Variants in GRB10 observed in about 807,000 individuals in gnomAD.
The protein encoded by GRB10 is growth factor receptor bound protein 10, also known as growth factor receptor-bound protein 10.
A neutral mutation model predicts 80.9 loss-of-function variants in GRB10; 20 were observed. That is an observed-to-expected ratio of 0.25 (90% CI 0.17 to 0.36). The LOEUF (loss-of-function observed/expected upper bound fraction) is 0.36. GRB10 is among the 10% of genes least tolerant of loss of function. The pLI is 1.00. For synonymous variants in GRB10, 291 were observed against 291.5 expected (o/e 1.00, Z 0.02); for missense variants, 548 against 747.7 (o/e 0.73, Z 3.12).
chr7:50,669,592 G>T, intron 7 of GRB10, 130 bp downstream of exon 7: 1 of 889,754 alleles, frequency 1.1e-6, no homozygotes, highest in Non-Finnish European at 1.8e-6. Flanking sequence ...GTGACAACAA[G>T]AAAAGAACTG....
At chr7:50,724,900 T>C (rs1056483451) in intron 4 of GRB10, among the ~76,000 whole-genome samples, 1 of 152,148 alleles carries the variant, frequency 6.6e-6, no homozygotes, top group African/African-American at 2.4e-5. Context: ...AATCAAGTAA[T>C]ATGACTCTGT....
At position 50,604,302 on chromosome 7, in the gene GRB10, C is replaced by T; in HGVS notation, c.1456+9G>A. The T allele has an allele frequency of 6.2e-7, 1 of 1,605,916 alleles. No homozygotes were observed. The highest frequency in any genetic ancestry group is 8.5e-7 in the Non-Finnish European group (1 of 1,172,642). On this transcript the variant is annotated intron_variant, in intron 16 of 18. Transcript: ENST00000401949. The stretch of plus-strand genomic sequence containing the variant: ...TGTACAAAAACATCAGGCAATGTGC[C>T]CTGTTTACCTGTACTTAGGGTAGAA...
chr7:50,682,088 C>A (rs768890214), intron 5 of GRB10, among the ~76,000 whole-genome samples: 1 of 152,218 alleles, frequency 6.6e-6, no homozygotes, highest in Non-Finnish European at 1.5e-5. Flanking sequence ...TCTGTTGCCC[C>A]CCAGCACTGG....
intron 5 of GRB10, among the ~76,000 whole-genome samples, chr7:50,685,786 T>C (rs1456098939): frequency 6.6e-6 from 1 of 152,066 alleles, no homozygotes; most frequent in Non-Finnish European, 1.5e-5. Context: ...ATGAGAAAAG[T>C]CATTCTAGGA....
At chr7:50,672,047 C>T (rs535755754) in intron 6 of GRB10, among the ~76,000 whole-genome samples, 2 of 152,346 alleles carry the variant, frequency 1.3e-5, no homozygotes, top group South Asian at 4.1e-4. Flanking sequence ...ATGCGTGGCC[C>T]TTGCACTCTC....
chr7:50,769,361 C>G (rs963345747), intron 2 of GRB10, among the ~76,000 whole-genome samples: 1 of 152,138 alleles, frequency 6.6e-6, no homozygotes, highest in African/African-American at 2.4e-5. Flanking sequence ...CACAGGAGGT[C>G]GGGCTTCCCA....
intron 4 of GRB10, among the ~76,000 whole-genome samples, chr7:50,730,852 C>G (rs1355045885): frequency 1.3e-5 from 2 of 152,194 alleles, no homozygotes; most frequent in African/African-American, 2.4e-5. Flanking sequence ...CTATACCCAG[C>G]CGAGGACAGC....
At chr7:50,713,081 G>A (rs180840336) in intron 4 of GRB10, among the ~76,000 whole-genome samples, 41 of 152,272 alleles carry the variant, frequency 2.7e-4, no homozygotes, top group Non-Finnish European at 3.8e-4. Context: ...CATTTTGGCC[G>A]AAAGGGGGAC....
chr7:50,633,655 C>A (rs2529391), intron 7 of GRB10, among the ~76,000 whole-genome samples: 66,294 of 151,580 alleles, frequency 0.44, 14,616 homozygotes, highest in African/African-American at 0.49. Context: ...CACAAAAAAA[C>A]CAGAAGAGTA....
chr7:50,662,294 CA>C (rs975332591), intron 7 of GRB10, among the ~76,000 whole-genome samples: 10 of 152,188 alleles, frequency 6.6e-5, no homozygotes, highest in Admixed American at 2.0e-4. Flanking sequence ...GGTCATGACC[CA>C]GGATGTGCGA....
At chr7:50,621,057 G>A (rs561058157) in intron 8 of GRB10, among the ~76,000 whole-genome samples, 3 of 152,326 alleles carry the variant, frequency 2.0e-5, no homozygotes, top group Non-Finnish European at 2.9e-5. Context: ...TTTCCAAAGC[G>A]AAGGGCATTT....
At chr7:50,735,801 C>T (rs569023258) in intron 3 of GRB10, among the ~76,000 whole-genome samples, 7 of 151,996 alleles carry the variant, frequency 4.6e-5, no homozygotes, top group South Asian at 4.2e-4. Flanking sequence ...TTGAAAAAGA[C>T]GTTTATATAA....
intron 5 of GRB10, among the ~76,000 whole-genome samples, chr7:50,680,951 T>C (rs757554794): frequency 2.0e-5 from 3 of 152,164 alleles, no homozygotes; most frequent in African/African-American, 7.2e-5. Context: ...GATCCCAATA[T>C]GACTTACAGA....
chr7:50,681,759 T>A (rs957881738), intron 5 of GRB10, among the ~76,000 whole-genome samples: 3 of 152,182 alleles, frequency 2.0e-5, no homozygotes, highest in African/African-American at 7.2e-5. Context: ...TTTCTTCAAG[T>A]TTCCATTTGC....
intron 5 of GRB10, among the ~76,000 whole-genome samples, chr7:50,689,294 A>G (rs1286288398): frequency 6.6e-6 from 1 of 152,234 alleles, no homozygotes; most frequent in Non-Finnish European, 1.5e-5. Context: ...ATGCAAGTAG[A>G]TTAGAAGCCT....
intron 4 of GRB10, among the ~76,000 whole-genome samples, chr7:50,728,136 A>T (rs1347284074): frequency 6.6e-6 from 1 of 151,840 alleles, no homozygotes; most frequent in Non-Finnish European, 1.5e-5. Flanking sequence ...TCCCACCTCA[A>T]GGGTTAAGAG....
chr7:50,759,317 A>C (rs1200471099), intron 2 of GRB10, among the ~76,000 whole-genome samples: 1 of 152,172 alleles, frequency 6.6e-6, no homozygotes, highest in African/African-American at 2.4e-5. Context: ...TGAAGATGAT[A>C]GAACAGGAGG....
At chr7:50,669,112 C>G (rs1425906625) in intron 7 of GRB10, among the ~76,000 whole-genome samples, 1 of 152,190 alleles carries the variant, frequency 6.6e-6, no homozygotes, top group Non-Finnish European at 1.5e-5. Flanking sequence ...AGTGGTGAAA[C>G]TTTTTCAAAG....
chr7:50,631,228 T>G (rs553819292), intron 7 of GRB10, among the ~76,000 whole-genome samples: 3 of 152,328 alleles, frequency 2.0e-5, no homozygotes, highest in African/African-American at 7.2e-5. Context: ...ACCTCCTGAC[T>G]GGCTGTGAGT....
Sources: allele counts gnomAD v4.1 joint callset (sites outside exome capture counted in the v4.1 genomes callset), GRCh38; gene constraint gnomAD v4.1.1; transcripts MANE v1.5; gene names NCBI Gene and HGNC (gene_info 2026-07-23, HGNC 2026-07-21).